Variants in EPB41L4A observed in about 807,000 individuals in gnomAD.
EPB41L4A encodes the protein erythrocyte membrane protein band 4.1 like 4A, also known as band 4.1-like protein 4A.
In EPB41L4A, 100 loss-of-function variants were observed where a neutral mutation model predicts 108.6. The observed-to-expected ratio is 0.92, with a 90% CI of 0.78 to 1.09. The LOEUF (loss-of-function observed/expected upper bound fraction) is 1.09, where lower values mean the gene tolerates loss of function less well. EPB41L4A is among the 50% of genes least tolerant of loss of function. The pLI is 0.00. For synonymous variants in EPB41L4A, 319 were observed against 289.0 expected (o/e 1.10, Z -1.05); for missense variants, 1,030 against 842.7 (o/e 1.22, Z -2.75).
Position 112,210,038 on chromosome 5 carries a change from G to A in EPB41L4A, c.1088-56C>T. On this transcript the variant is annotated intron_variant, in intron 12 of 22. Coordinates refer to ENST00000261486, the MANE Select transcript of EPB41L4A (RefSeq NM_022140.5). Reference sequence around the variant, plus strand: ...AGAGAGGAAACAGTGATAAGGAAATGAAAGAAACAGAAGACTTATTTTAAA... The same window carrying A: ...AGAGAGGAAACAGTGATAAGGAAATAAAAGAAACAGAAGACTTATTTTAAA... The A allele has an allele frequency of 2.9e-6, 3 of 1,039,970 alleles. No homozygotes were observed. In the South Asian group the frequency reaches 4.3e-5, roughly 15 times the overall value. 64.4% of individuals were successfully genotyped at this position (1,039,970 alleles called of 1,614,324 possible).
chr5:112,419,810 G>C, upstream of EPB41L4A: 1 of 456,750 alleles, frequency 2.2e-6, no homozygotes. Flanking sequence ...TCCCGTCCGG[G>C]GACTCCCGAG....
chr5:112,206,799 G>C (rs193166057), intron 13 of EPB41L4A: 1 of 152,360 alleles, frequency 6.6e-6, no homozygotes, highest in East Asian at 1.9e-4. Flanking sequence ...GGTGCTTCAA[G>C]TACCAGTATC....
In EPB41L4A at chr5:112,184,103, G is replaced by A. The variant is rs762971095; in HGVS notation, c.1535C>T (p.Ala512Val). The change falls in exon 18 of 23, where the codon GCG becomes GTG. Residue 512 changes from alanine (A) to valine (V), a missense_variant. Ala to Val is a moderately conservative substitution (Grantham distance 64, BLOSUM62 0). Transcript: ENST00000261486. The part of the protein sequence containing the change: ...IRQENDMVDS[A>V]PQWEAVLRRQ... ...CCTTAATACAGCTTCCCACTGAGGC[G>A]CTGAATCAACCATATCATTCTCCTG... 1.9e-5 allele frequency: 30 copies of A among 1,613,758 alleles called. No individual in the cohort carries two copies. The highest frequency in any genetic ancestry group is 1.1e-4 in the African/African-American group (8 of 74,868).
chr5:112,264,775 A>G lies in EPB41L4A; in HGVS notation c.554+121T>C. The G allele has an allele frequency of 3.3e-6, 3 of 910,026 alleles. No homozygotes were observed. In the South Asian group the frequency reaches 7.0e-5, roughly 21 times the overall value. The allele number at this position is 910,026 out of a possible 1,614,324, so 56.4% of individuals were successfully genotyped here. ...TTAAAATCAGTTAAACTATACAAAG[A>G]GGAGTATTAGAATATTAAATGCACA... On this transcript the variant is annotated intron_variant, in intron 6 of 22. Transcript: ENST00000261486.
At chr5:112,388,810 T>C (rs1446514077) in intron 1 of EPB41L4A, among the ~76,000 whole-genome samples, 1 of 152,162 alleles carries the variant, frequency 6.6e-6, no homozygotes, top group Admixed American at 6.5e-5. Context: ...TCTTTCCTTT[T>C]CAAAATGGAA....
intron 4 of EPB41L4A, among the ~76,000 whole-genome samples, chr5:112,273,305 C>T (rs959923280): frequency 2.6e-5 from 4 of 152,144 alleles, no homozygotes; most frequent in Non-Finnish European, 5.9e-5. Context: ...ACTTTCAATA[C>T]AACTGGTTGT....
chr5:112,417,986 A>G (rs535808966), intron 1 of EPB41L4A, among the ~76,000 whole-genome samples: 16 of 152,306 alleles, frequency 1.1e-4, no homozygotes, highest in African/African-American at 3.9e-4. Context: ...TGAAGCGACT[A>G]AGAGAGGATA....
intron 1 of EPB41L4A, among the ~76,000 whole-genome samples, chr5:112,311,662 C>T (rs911497933): frequency 6.6e-6 from 1 of 152,162 alleles, no homozygotes; most frequent in Non-Finnish European, 1.5e-5. Flanking sequence ...GAGACCAGAT[C>T]GCACTGCTGC....
chr5:112,278,691 T>C (rs1397254854), intron 3 of EPB41L4A, among the ~76,000 whole-genome samples: 1 of 152,094 alleles, frequency 6.6e-6, no homozygotes, highest in Non-Finnish European at 1.5e-5. Flanking sequence ...CACCTTAAAA[T>C]AATTAACATT....
chr5:112,247,870 G>A (rs754307734), intron 9 of EPB41L4A, among the ~76,000 whole-genome samples: 1 of 152,106 alleles, frequency 6.6e-6, no homozygotes, highest in Non-Finnish European at 1.5e-5. Flanking sequence ...TTCAAGTACA[G>A]ACCTTATCAC....
At chr5:112,217,070 G>T (rs558366161) in intron 12 of EPB41L4A, among the ~76,000 whole-genome samples, 1 of 151,360 alleles carries the variant, frequency 6.6e-6, no homozygotes, top group East Asian at 1.9e-4. Flanking sequence ...TCAGCCTCCC[G>T]AGTAGCTGGG....
chr5:112,241,371 T>A (rs554457327), intron 9 of EPB41L4A, among the ~76,000 whole-genome samples: 18 of 152,312 alleles, frequency 1.2e-4, no homozygotes, highest in African/African-American at 4.1e-4. Context: ...TTCAACAATA[T>A]GCATACATAA....
intron 4 of EPB41L4A, among the ~76,000 whole-genome samples, chr5:112,269,499 A>G (rs1257370147): frequency 6.6e-6 from 1 of 152,042 alleles, no homozygotes; most frequent in Non-Finnish European, 1.5e-5. Context: ...AATTAGAACA[A>G]GTTAGAGTTG....
chr5:112,345,114 T>C (rs1757553971), intron 1 of EPB41L4A, among the ~76,000 whole-genome samples: 1 of 152,228 alleles, frequency 6.6e-6, no homozygotes, highest in Non-Finnish European at 1.5e-5. Flanking sequence ...CTTGCCTATC[T>C]GGCACAGCCT....
At chr5:112,268,945 AAGAGGAAC>A (rs1038094534) in intron 4 of EPB41L4A, among the ~76,000 whole-genome samples, 22 of 151,996 alleles carry the variant, frequency 1.4e-4, no homozygotes, top group African/African-American at 1.9e-4. Context: ...GACAAAAGGA[AAGAGGAAC>A]AGAGGAACAG....
At chr5:112,204,354 G>T in intron 15 of EPB41L4A, 21 bp downstream of exon 15, 1 of 1,527,912 alleles carries the variant, frequency 6.5e-7, no homozygotes, top group South Asian at 1.1e-5. Context: ...GCTGCTAACA[G>T]AGAGATTGTG....
At chr5:112,146,438 G>C (rs1400250740) in intron 12 of EPB41L4A, among the ~76,000 whole-genome samples, 1 of 152,168 alleles carries the variant, frequency 6.6e-6, no homozygotes, top group Non-Finnish European at 1.5e-5. Context: ...TGTCCCACAG[G>C]AGCAGAGGAT....
At chr5:112,385,635 T>C (rs1458250745) in intron 1 of EPB41L4A, among the ~76,000 whole-genome samples, 1 of 152,160 alleles carries the variant, frequency 6.6e-6, no homozygotes, top group African/African-American at 2.4e-5. Flanking sequence ...AGAAGAATTG[T>C]AGTTCAAGTC....
At chr5:112,404,611 G>A (rs372186672) in intron 1 of EPB41L4A, among the ~76,000 whole-genome samples, 2 of 152,080 alleles carry the variant, frequency 1.3e-5, no homozygotes, top group Non-Finnish European at 2.9e-5. Context: ...CCAGATATTC[G>A]GAGTCTATAT....
Sources: gnomAD v4.1 joint callset for allele counts (sites outside exome capture counted in the v4.1 genomes callset) on GRCh38, gnomAD v4.1.1 for gene constraint, MANE v1.5 for transcripts, NCBI Gene and HGNC (gene_info 2026-07-23, HGNC 2026-07-21) for gene names.